Variants in NAV3 observed in about 807,000 individuals in gnomAD.
NAV3 encodes the protein pore membrane and/or filament interacting like protein 1.
Under a neutral mutation model 244.7 loss-of-function variants are expected in NAV3, and 87 were observed. The ratio of observed to expected loss-of-function variants is 0.36; its 90% CI spans 0.30 to 0.42. The LOEUF (loss-of-function observed/expected upper bound fraction) is 0.42. Ranked by LOEUF, NAV3 falls within the 20% of genes least tolerant of loss-of-function variation. The pLI, the probability that NAV3 is intolerant of heterozygous loss-of-function variation, is 1.00. For missense variants in NAV3, 2,663 were observed against 2,893.3 expected (o/e 0.92, Z 1.83); for synonymous variants, 1,126 against 1,042.2 (o/e 1.08, Z -1.55).
At chr12:78,194,446 C>A (rs1272570526) in intron 34 of NAV3, among the ~76,000 whole-genome samples, 1 of 152,068 alleles carries the variant, frequency 6.6e-6, no homozygotes, top group Non-Finnish European at 1.5e-5. Flanking sequence ...TAATTAAAAT[C>A]TGATCAAATT....
intron 4 of NAV3, 142 bp downstream of exon 4, chr12:77,966,443 C>T (rs1446203747): frequency 1.5e-6 from 1 of 664,056 alleles, no homozygotes; most frequent in East Asian, 2.8e-5. Flanking sequence ...ACAACCGAAA[C>T]ATAAACATAA....
At chr12:77,591,194 A>G (rs567677637) in intron 2 of NAV3, among the ~76,000 whole-genome samples, 2 of 152,330 alleles carry the variant, frequency 1.3e-5, no homozygotes, top group African/African-American at 4.8e-5. Flanking sequence ...AATTCCCTCA[A>G]TGAATCATTT....
chr12:77,974,861 A>G (rs1252301621), intron 5 of NAV3, among the ~76,000 whole-genome samples: 1 of 152,210 alleles, frequency 6.6e-6, no homozygotes, highest in Non-Finnish European at 1.5e-5. Context: ...AACACAGCAT[A>G]TAATAGACAC....
intron 12 of NAV3, among the ~76,000 whole-genome samples, chr12:78,082,678 C>T (rs764585933): frequency 6.6e-6 from 1 of 152,108 alleles, no homozygotes; most frequent in Non-Finnish European, 1.5e-5. Context: ...ATCCCTGATA[C>T]CCATAACCCT....
intron 2 of NAV3, among the ~76,000 whole-genome samples, chr12:77,765,512 C>A (rs1592660956): frequency 1.3e-5 from 2 of 152,234 alleles, no homozygotes; most frequent in African/African-American, 4.8e-5. Flanking sequence ...AGATGACTAT[C>A]CGAGCCACTC....
chr12:78,065,694 G>A (rs915972469), intron 12 of NAV3, among the ~76,000 whole-genome samples: 3 of 152,100 alleles, frequency 2.0e-5, no homozygotes, highest in Non-Finnish European at 4.4e-5. Context: ...GAGCATGCTA[G>A]GTTATGAAAA....
chr12:78,019,148 A>G (rs938735796), intron 8 of NAV3, among the ~76,000 whole-genome samples: 2 of 152,108 alleles, frequency 1.3e-5, no homozygotes, highest in Non-Finnish European at 2.9e-5. Flanking sequence ...TCTTATTTTT[A>G]CAGATGAACA....
chr12:77,990,442 G>GTAAGT (rs1315816991), intron 5 of NAV3, among the ~76,000 whole-genome samples: 2 of 128,162 alleles, frequency 1.6e-5, no homozygotes, highest in Admixed American at 1.7e-4. Context: ...TGGCAATCTG[G>GTAAGT]TAAGTTTCAG....
chr12:77,941,765 C>A (rs1022394904), intron 3 of NAV3, among the ~76,000 whole-genome samples: 1 of 152,018 alleles, frequency 6.6e-6, no homozygotes, highest in South Asian at 2.1e-4. Context: ...AAATATGTTT[C>A]TTAATTAAAA....
intron 2 of NAV3, among the ~76,000 whole-genome samples, chr12:77,741,199 TG>T (rs2137395663): frequency 6.9e-6 from 1 of 144,228 alleles, no homozygotes; most frequent in South Asian, 2.2e-4. Flanking sequence ...AAAATCCAGT[TG>T]GCAAAGATAG....
At chr12:77,777,819 T>A (rs1205138815) in intron 2 of NAV3, among the ~76,000 whole-genome samples, 3 of 151,992 alleles carry the variant, frequency 2.0e-5, no homozygotes, top group African/African-American at 7.2e-5. Flanking sequence ...TTTTTCTTTT[T>A]TTTTTGAGAC....
chr12:77,808,499 C>T (rs954167630), intron 2 of NAV3, among the ~76,000 whole-genome samples: 2 of 152,158 alleles, frequency 1.3e-5, no homozygotes, highest in African/African-American at 4.8e-5. Flanking sequence ...GTATCACCAG[C>T]AGAGGATGCA....
rs2138687108 is a variant in NAV3 at position 78,122,087 on chromosome 12, C to T, written c.3897C>T (p.Gly1299=). 2 of 1,614,182 alleles carry T rather than the reference C, an allele frequency of 1.2e-6. No individual in the cohort carries two copies. The highest frequency in any genetic ancestry group is 1.7e-6 in the Non-Finnish European group (2 of 1,180,028). The change falls in exon 16 of 40, where the codon GGC becomes GGT. Residue 1299 remains glycine, a synonymous_variant. Transcript: ENST00000397909. ...ESPSSGTGSM[G]SAGGLSGSSS... is the part of the protein sequence containing the mutation. ...CGTCGTCCGGTACGGGCAGCATGGGCAGTGCTGGTGGGCTAAGCGGCAGCA... is the reference window on the plus strand; with the variant it reads ...CGTCGTCCGGTACGGGCAGCATGGGTAGTGCTGGTGGGCTAAGCGGCAGCA...
intron 20 of NAV3, among the ~76,000 whole-genome samples, chr12:78,144,212 A>G (rs1436242002): frequency 6.6e-6 from 1 of 152,150 alleles, no homozygotes; most frequent in East Asian, 1.9e-4. Context: ...TTCATTGTGG[A>G]TTGTTTAACA....
chr12:78,161,871 A>G (rs1274661756), intron 23 of NAV3, among the ~76,000 whole-genome samples: 1 of 152,148 alleles, frequency 6.6e-6, no homozygotes, highest in East Asian at 1.9e-4. Flanking sequence ...GACAGAATCT[A>G]ATTAAAACCA....
intron 22 of NAV3, among the ~76,000 whole-genome samples, chr12:78,151,704 C>A (rs971361897): frequency 6.6e-6 from 1 of 151,574 alleles, no homozygotes; most frequent in African/African-American, 2.4e-5. Context: ...AGATGGCCAT[C>A]ACATGAATCC....
intron 28 of NAV3, 138 bp downstream of exon 28, chr12:78,177,823 T>C: frequency 2.5e-6 from 2 of 812,422 alleles, no homozygotes; most frequent in Non-Finnish European, 3.7e-6. Context: ...CAACTAAAAT[T>C]TGGTTTCCTA....
chr12:78,116,690 T>G, intron 12 of NAV3, 82 bp from the exon 13 acceptor site: 1 of 1,318,262 alleles, frequency 7.6e-7, no homozygotes, highest in Non-Finnish European at 1.0e-6. Context: ...AATAATAAAT[T>G]GTGAATGTTG....
intron 6 of NAV3, among the ~76,000 whole-genome samples, chr12:77,996,769 T>G (rs1292760702): frequency 6.6e-6 from 1 of 152,204 alleles, no homozygotes; most frequent in African/African-American, 2.4e-5. Flanking sequence ...ATTAATAATC[T>G]TTGCTTTAAA....
Sources: allele counts gnomAD v4.1 joint callset (sites outside exome capture counted in the v4.1 genomes callset), GRCh38; gene constraint gnomAD v4.1.1; transcripts MANE v1.5; gene names NCBI Gene and HGNC (gene_info 2026-07-23, HGNC 2026-07-21).